The following THRB variants were observed in gnomAD, a reference collection of about 807,000 sequenced individuals.
The protein encoded by THRB is thyroid hormone receptor beta.
THRB carries 12 observed loss-of-function variants against 47.8 expected under a neutral mutation model. The ratio of observed to expected loss-of-function variants is 0.25; its 90% confidence interval spans 0.16 to 0.41. The LOEUF (loss-of-function observed/expected upper bound fraction) is 0.41, where lower values mean the gene tolerates loss of function less well. Among genes scored for constraint, THRB ranks in the 10% least tolerant of loss-of-function variants. The pLI is 1.00. For missense variants in THRB, 348 were observed against 589.2 expected (o/e 0.59, Z 4.24); for synonymous variants, 218 against 212.2 (o/e 1.03, Z -0.24).
chr3:24,132,484 A>C (rs1182884991), intron 9 of THRB, among the ~76,000 whole-genome samples: 1 of 152,228 alleles, frequency 6.6e-6, no homozygotes, highest in Non-Finnish European at 1.5e-5. Context: ...CCACTTAAAA[A>C]ACCTTTCAAC....
At chr3:24,429,004 A>C (rs1237379936) in intron 1 of THRB, among the ~76,000 whole-genome samples, 1 of 151,968 alleles carries the variant, frequency 6.6e-6, no homozygotes, top group Non-Finnish European at 1.5e-5. Context: ...TTGATATATA[A>C]GAAAATTAAA....
chr3:24,441,683 G>C (rs2071539302), intron 1 of THRB, among the ~76,000 whole-genome samples: 1 of 151,972 alleles, frequency 6.6e-6, no homozygotes, highest in African/African-American at 2.4e-5. Flanking sequence ...TTGCCTACAC[G>C]ACCACTGTGA....
chr3:24,345,040 C>A (rs1345212165), intron 1 of THRB, among the ~76,000 whole-genome samples: 1 of 152,078 alleles, frequency 6.6e-6, no homozygotes, highest in Non-Finnish European at 1.5e-5. Flanking sequence ...GTTTGCTGAG[C>A]CAATTTTTGT....
intron 2 of THRB, among the ~76,000 whole-genome samples, chr3:24,320,062 C>A (rs924032727): frequency 6.6e-6 from 1 of 152,192 alleles, no homozygotes; most frequent in African/African-American, 2.4e-5. Flanking sequence ...CAGTCATATA[C>A]TTTCAGTCAA....
intron 9 of THRB, among the ~76,000 whole-genome samples, chr3:24,129,885 A>T (rs762681634): frequency 3.9e-5 from 6 of 152,232 alleles, no homozygotes; most frequent in African/African-American, 7.2e-5. Context: ...CCCTGGTGTC[A>T]TGCCAGTCTT....
intron 2 of THRB, among the ~76,000 whole-genome samples, chr3:24,310,874 G>A (rs1409125874): frequency 5.3e-5 from 8 of 152,270 alleles, no homozygotes; most frequent in African/African-American, 1.7e-4. Context: ...AATCCTGCCC[G>A]AAAAGGAACT....
chr3:24,159,220 A>G lies in THRB; in HGVS notation c.284-6730T>C, dbSNP rs73823210. Among the ~76,000 whole-genome samples the G allele has an allele frequency of 4.9e-3, 750 of 152,350 alleles. 6 individuals are homozygous for G. Among genetic ancestry groups the G allele is most frequent in the African/African-American group, 0.017 (700 of 41,586 alleles). ...TCAGCCTTATGTTACATAAACATAC[A>G]TAAAAGGGAAGGAGCTGTTGCATTT... On this transcript the variant is annotated intron_variant, in intron 5 of 10. Transcript: ENST00000646209.
At chr3:24,434,423 T>C (rs918569062) in intron 1 of THRB, among the ~76,000 whole-genome samples, 1 of 152,080 alleles carries the variant, frequency 6.6e-6, no homozygotes, top group South Asian at 2.1e-4. Flanking sequence ...TAGATAACAG[T>C]ACATAGGAAT....
chr3:24,416,801 C>A (rs1342748275), intron 1 of THRB, among the ~76,000 whole-genome samples: 1 of 151,802 alleles, frequency 6.6e-6, no homozygotes, highest in Non-Finnish European at 1.5e-5. Flanking sequence ...CTCACAGAAT[C>A]AATCTCCTAA....
At chr3:24,413,572 A>AT (rs1055931151) in intron 1 of THRB, among the ~76,000 whole-genome samples, 13 of 151,432 alleles carry the variant, frequency 8.6e-5, no homozygotes, top group African/African-American at 1.5e-4. Flanking sequence ...TTCATCTCTG[A>AT]TTTTTTTTAT....
intron 1 of THRB, among the ~76,000 whole-genome samples, chr3:24,365,214 C>A (rs986100632): frequency 1.3e-5 from 2 of 152,162 alleles, no homozygotes; most frequent in African/African-American, 2.4e-5. Flanking sequence ...GTACACTAAT[C>A]CAGCAAAGAG....
intron 2 of THRB, among the ~76,000 whole-genome samples, chr3:24,315,324 T>G (rs975827804): frequency 6.6e-6 from 1 of 152,230 alleles, no homozygotes; most frequent in Non-Finnish European, 1.5e-5. Context: ...CATTCTCTAC[T>G]TCCAAGTCAG....
intron 4 of THRB, among the ~76,000 whole-genome samples, chr3:24,204,253 C>T (rs552922299): frequency 6.6e-6 from 1 of 152,254 alleles, no homozygotes; most frequent in Non-Finnish European, 1.5e-5. Context: ...AGGCACCCCC[C>T]AGTAGGGGCA....
At chr3:24,393,712 A>G (rs4276129) in intron 1 of THRB, among the ~76,000 whole-genome samples, 134,322 of 152,192 alleles carry the variant, frequency 0.88, 60,438 homozygotes, top group Non-Finnish European at 0.96. Flanking sequence ...GACAGTAGCA[A>G]TGTTTTACTT....
At chr3:24,416,943 T>C (rs1384589341) in intron 1 of THRB, among the ~76,000 whole-genome samples, 1 of 151,924 alleles carries the variant, frequency 6.6e-6, no homozygotes, top group African/African-American at 2.4e-5. Flanking sequence ...GAACATGGAC[T>C]CAATTTGTCC....
chr3:24,252,001 C>G (rs771049854), intron 3 of THRB, among the ~76,000 whole-genome samples: 2 of 152,046 alleles, frequency 1.3e-5, no homozygotes, highest in Non-Finnish European at 2.9e-5. Flanking sequence ...GATAAGTCAA[C>G]ATTAGGAATG....
At chr3:24,347,666 T>G (rs546291740) in intron 1 of THRB, among the ~76,000 whole-genome samples, 1 of 151,112 alleles carries the variant, frequency 6.6e-6, no homozygotes, top group African/African-American at 2.4e-5. Context: ...TCACTATAAA[T>G]CCTACAGACA....
chr3:24,140,217 A>G (rs753295262), intron 8 of THRB, among the ~76,000 whole-genome samples: 22 of 152,196 alleles, frequency 1.4e-4, no homozygotes, highest in Non-Finnish European at 2.8e-4. Context: ...TAACTGTACT[A>G]TCTCCAAGGA....
intron 5 of THRB, among the ~76,000 whole-genome samples, chr3:24,153,724 A>G (rs548547147): frequency 5.3e-5 from 8 of 152,254 alleles, no homozygotes; most frequent in Admixed American, 5.2e-4. Context: ...TTGATAAATT[A>G]TGTGATATAT....
Sources: gnomAD v4.1 joint callset for allele counts (sites outside exome capture counted in the v4.1 genomes callset) on GRCh38, gnomAD v4.1.1 for gene constraint, MANE v1.5 for transcripts, NCBI Gene and HGNC (gene_info 2026-07-23, HGNC 2026-07-21) for gene names.